The following MGAM2 variants were observed in gnomAD, a reference collection of about 807,000 sequenced individuals.
The protein encoded by MGAM2 is probable maltase-glucoamylase 2.
MGAM2 carries 98 observed loss-of-function variants against 96.1 expected under a neutral mutation model. The ratio of observed to expected loss-of-function variants is 1.02; its 90% CI spans 0.87 to 1.21. MGAM2 has a LOEUF of 1.21. Ranked by LOEUF, MGAM2 falls within the 50% of genes most tolerant of loss-of-function variation. The pLI, the probability that MGAM2 is intolerant of heterozygous loss-of-function variation, is 0.00. For synonymous variants in MGAM2, 749 were observed against 414.8 expected (o/e 1.81, Z -9.79); for missense variants, 2,055 against 1,182.4 (o/e 1.74, Z -10.82).
rs746250268 is a variant in MGAM2, at chr7:142,196,176, C to T, written c.4369C>T (p.Gln1457Ter). 29 of 1,203,010 alleles carry T rather than the reference C, an allele frequency of 2.4e-5. No individual in the cohort carries two copies. Among genetic ancestry groups the T allele is most frequent in the African/African-American group, 6.0e-5 (4 of 66,480 alleles). 74.5% of individuals were successfully genotyped at this position (1,203,010 alleles called of 1,614,324 possible). A position where few individuals can be genotyped will look rare whatever the true frequency, so the allele number is the denominator to read the frequency against. The change falls in exon 38 of 48, where the codon CAG becomes TAG. Residue 1457 changes from glutamine (Q) to a stop codon, truncating the protein, a stop_gained. Transcript: ENST00000477922. LOFTEE classifies it high-confidence loss of function. ...CAGAGCTGTGCAGGAGGTGACAGGA[C>T]AGCGAGGGGTCATCATCACCCGCTC... ...TYEAVQEVTG[Q>*]RGVIITRSTF... is the part of the protein sequence containing the mutation.
chr7:142,113,720 A>C (rs1041689605), intron 1 of MGAM2, among the ~76,000 whole-genome samples: 2 of 152,146 alleles, frequency 1.3e-5, no homozygotes, highest in Non-Finnish European at 2.9e-5. Flanking sequence ...CTGGGCTAGA[A>C]ATACAGGTTG....
chr7:142,186,477 C>G (rs1435516590), intron 35 of MGAM2, among the ~76,000 whole-genome samples: 1 of 152,130 alleles, frequency 6.6e-6, no homozygotes. Context: ...CAGGGCAGAG[C>G]TGGGAGTGGG....
chr7:142,195,923 T>A lies in MGAM2; in HGVS notation c.4347-231T>A, dbSNP rs1205265348. On this transcript the variant is annotated intron_variant, in intron 37 of 47. Transcript: ENST00000477922. ...TCTCTTACTCCAGGGTGATAGTTAA[T>A]TAACCAGATTTTTCAAAAATGAAAC... Among the ~76,000 whole-genome samples, 6 of 152,278 alleles carry A rather than the reference T, an allele frequency of 3.9e-5. No individual in the cohort carries two copies. In the East Asian group the frequency reaches 1.2e-3, roughly 29 times the overall value.
At chr7:142,199,099 T>C (rs1797141533) in intron 44 of MGAM2, among the ~76,000 whole-genome samples, 2 of 152,240 alleles carry the variant, frequency 1.3e-5, no homozygotes, top group African/African-American at 4.8e-5. Context: ...TGAGTCCTTG[T>C]CCTATCCTAG....
At chr7:142,159,967 C>G (rs1380916478) in intron 20 of MGAM2, among the ~76,000 whole-genome samples, 167 bp from the exon 21 acceptor site, 1 of 152,134 alleles carries the variant, frequency 6.6e-6, no homozygotes, top group African/African-American at 2.4e-5. Flanking sequence ...ATTGGAGTGT[C>G]AGCTCTGCCC....
intron 46 of MGAM2, among the ~76,000 whole-genome samples, chr7:142,209,907 G>A (rs1797525094): frequency 6.6e-6 from 1 of 152,112 alleles, no homozygotes; most frequent in Admixed American, 6.6e-5. Flanking sequence ...ATGATTTGTG[G>A]GCTTCCTGGG....
rs1186985277 is a variant in MGAM2 at position 142,129,412 on chromosome 7, G to A, written c.187-1536G>A. Among the ~76,000 whole-genome samples the A allele has an allele frequency of 3.3e-5, 5 of 152,148 alleles. No homozygotes were observed. In the South Asian group the frequency reaches 6.2e-4, roughly 19 times the overall value. ...AGGGCATGATTATGTTTTGAAACGC[G>A]AGGCCATGAGATTTGAGAGGGGCCC... On this transcript the variant is annotated intron_variant, in intron 3 of 47. Transcript: ENST00000477922.
At chr7:142,149,284 G>C (rs1795485453) in intron 15 of MGAM2, among the ~76,000 whole-genome samples, 1 of 151,728 alleles carries the variant, frequency 6.6e-6, no homozygotes, top group Non-Finnish European at 1.5e-5. Context: ...TCTCTTTCCA[G>C]CTGTTCCCTC....
chr7:142,156,120 G>A (rs1795728602), intron 17 of MGAM2, among the ~76,000 whole-genome samples: 1 of 151,718 alleles, frequency 6.6e-6, no homozygotes, highest in African/African-American at 2.4e-5. Flanking sequence ...ACTTCAGCCT[G>A]GGCAACGAGA....
chr7:142,124,589 C>T (rs1794685942), intron 3 of MGAM2, among the ~76,000 whole-genome samples: 1 of 152,190 alleles, frequency 6.6e-6, no homozygotes, highest in Middle Eastern at 3.4e-3. Flanking sequence ...TTTAATGTCT[C>T]TCATACCAGC....
At chr7:142,180,021 A>G (rs532734143) in intron 32 of MGAM2, among the ~76,000 whole-genome samples, 31 of 152,036 alleles carry the variant, frequency 2.0e-4, no homozygotes, top group Admixed American at 1.8e-3. Flanking sequence ...TTTATTGCTG[A>G]TACAATTTTA....
At chr7:142,201,534 T>A (rs1237129892) in intron 45 of MGAM2, among the ~76,000 whole-genome samples, 1 of 152,204 alleles carries the variant, frequency 6.6e-6, no homozygotes, top group Non-Finnish European at 1.5e-5. Context: ...TTTTGACAAA[T>A]GTGTACAGTT....
At chr7:142,187,699 G>C in intron 35 of MGAM2, 51 bp from the exon 36 acceptor site, 1 of 697,196 alleles carries the variant, frequency 1.4e-6, no homozygotes, top group Non-Finnish European at 2.6e-6. Flanking sequence ...CTATAGCCAA[G>C]GCCATCCTGC....
intron 28 of MGAM2, 36 bp from the exon 29 acceptor site, chr7:142,172,062 C>T (rs1796212266): frequency 4.4e-6 from 3 of 675,764 alleles, no homozygotes; most frequent in Non-Finnish European, 8.1e-6. Context: ...CAATATCTTG[C>T]ATTTTCTTTT....
intron 45 of MGAM2, among the ~76,000 whole-genome samples, chr7:142,205,710 C>T (rs558819548): frequency 5.9e-5 from 9 of 152,108 alleles, no homozygotes; most frequent in Admixed American, 5.9e-4. Flanking sequence ...GCTAAAAGTC[C>T]CTTATCCGAT....
chr7:142,116,851 C>A (rs1283435025), intron 1 of MGAM2, 23 bp from the exon 2 acceptor site: 1 of 703,356 alleles, frequency 1.4e-6, no homozygotes, highest in East Asian at 2.7e-5. Context: ...TTTGTTTTAA[C>A]CCAATTATCT....
At chr7:142,210,873 A>G (rs1250180349) in intron 46 of MGAM2, among the ~76,000 whole-genome samples, 1 of 151,800 alleles carries the variant, frequency 6.6e-6, no homozygotes, top group Non-Finnish European at 1.5e-5. Context: ...TGGGTCCCTG[A>G]CCCCCGTGCC....
rs975228411 is a variant in MGAM2 at position 142,166,220 on chromosome 7, G to A, written c.2775G>A (p.Glu925=). 1.4e-6 allele frequency: 1 copy of A among 702,430 alleles called. No homozygotes were observed. Among genetic ancestry groups the A allele is most frequent in the African/African-American group, 1.7e-5 (1 of 57,364 alleles). 43.5% of individuals were successfully genotyped at this position (702,430 alleles called of 1,614,324 possible). A position where few individuals can be genotyped will look rare whatever the true frequency, so the allele number is the denominator to read the frequency against. ...ACCCTGATGATCCAACAGCCTCTGA[G>A]GAGAGTTGTAGGCAGCGGGGGTGTC... ...NCYPDDPTAS[E]ESCRQRGCLW... is the part of the protein sequence containing the mutation. The change falls in exon 25 of 48, where the codon GAG becomes GAA. Residue 925 remains glutamate (E), a synonymous_variant. Transcript: ENST00000477922.
chr7:142,204,738 C>T (rs1279509452), intron 45 of MGAM2, among the ~76,000 whole-genome samples: 8 of 151,794 alleles, frequency 5.3e-5, no homozygotes, highest in African/African-American at 2.4e-5. Context: ...ATATGAGCTA[C>T]TTTACATAAA....
Sources: allele counts gnomAD v4.1 joint callset (sites outside exome capture counted in the v4.1 genomes callset), GRCh38; gene constraint gnomAD v4.1.1; transcripts MANE v1.5; gene names NCBI Gene and HGNC (gene_info 2026-07-23, HGNC 2026-07-21).